PACRGL: variants seen among roughly 807,000 people sequenced by gnomAD.
PACRGL encodes the protein PACRG-like protein.
PACRGL carries 38 observed loss-of-function variants against 34.5 expected under a neutral mutation model. The ratio of observed to expected loss-of-function variants is 1.10; its 90% confidence interval spans 0.85 to 1.44. The LOEUF (loss-of-function observed/expected upper bound fraction) is 1.44. PACRGL is among the 40% of genes most tolerant of loss of function. PACRGL has a pLI of 0.00. For synonymous variants in PACRGL, 128 were observed against 100.1 expected, an observed-to-expected ratio of 1.28 and a Z score of -1.66; for missense variants, 305 against 281.4, an observed-to-expected ratio of 1.08 and a Z score of -0.60.
intron 3 of PACRGL, among the ~76,000 whole-genome samples, chr4:20,706,629 G>A (rs1330937785): frequency 6.6e-6 from 1 of 151,556 alleles, no homozygotes; most frequent in African/African-American, 2.4e-5. Flanking sequence ...AGGCTGGAGT[G>A]CAGTGGCACA....
chr4:20,761,401 C>G, the PACRGL span, among the ~76,000 whole-genome samples: 2 of 152,216 alleles, frequency 1.3e-5, no homozygotes, highest in African/African-American at 4.8e-5. Flanking sequence ...TACAGCTAAT[C>G]TCTCAAACAT....
Position 20,741,267 on chromosome 4 carries a change from G to C in PACRGL, c.*57-11298G>C, listed in dbSNP as rs140034605. ...CTCCACCCCAAATCAACAGAATATA[G>C]ATTCTTCTCAGCACTACGTCACACT... On this transcript the variant is annotated intron_variant, in intron 8 of 8. Transcript: ENST00000507634. 5.1e-3 allele frequency among the ~76,000 whole-genome samples: 773 copies of C among 152,180 alleles called. 8 individuals are homozygous for C. The highest frequency in any genetic ancestry group is 0.017 in the African/African-American group (712 of 41,524).
Position 20,730,010 on chromosome 4 carries a change from G to C in PACRGL, c.*2669G>C. 6.5e-7 allele frequency: 1 copy of C among 1,529,266 alleles called. No individual in the cohort carries two copies. The highest frequency in any genetic ancestry group is 8.8e-7 in the Non-Finnish European group (1 of 1,136,958). 94.7% of individuals were successfully genotyped at this position (1,529,266 alleles called of 1,614,324 possible). A position where few individuals can be genotyped will look rare whatever the true frequency, so the allele number is the denominator to read the frequency against. On this transcript the variant is annotated 3_prime_UTR_variant, in exon 9 of 9. Coordinates refer to ENST00000503585, the MANE Select transcript of PACRGL (RefSeq NM_001258345.3). Reference sequence around the variant, plus strand: ...TCAAGCTGAGCAATCTATGCTAAAAGTGGTAGCTCCAACTTTAAGGGTGGT... The same window carrying C: ...TCAAGCTGAGCAATCTATGCTAAAACTGGTAGCTCCAACTTTAAGGGTGGT...
At chr4:20,724,177 C>T (rs1335933685) in intron 7 of PACRGL, among the ~76,000 whole-genome samples, 1 of 152,094 alleles carries the variant, frequency 6.6e-6, no homozygotes, top group Non-Finnish European at 1.5e-5. Flanking sequence ...ACCTGAAAAT[C>T]TTGCTTAAAA....
intron 8 of PACRGL, among the ~76,000 whole-genome samples, chr4:20,742,429 A>G (rs1464967783): frequency 6.6e-6 from 1 of 152,160 alleles, no homozygotes; most frequent in Non-Finnish European, 1.5e-5. Context: ...AAATCAATAA[A>G]TGTAATCCAT....
intron 5 of PACRGL, 64 bp downstream of exon 5, chr4:20,709,837 C>A: frequency 7.5e-7 from 1 of 1,338,680 alleles, no homozygotes; most frequent in Non-Finnish European, 1.1e-6. Flanking sequence ...TTAAATGCTA[C>A]TTTGTAGCTT....
intron 7 of PACRGL, among the ~76,000 whole-genome samples, chr4:20,721,151 C>T (rs1742924064): frequency 6.6e-6 from 1 of 152,140 alleles, no homozygotes. Flanking sequence ...TCATGTAGTT[C>T]TCGTGCCATG....
Position 20,732,276 on chromosome 4 carries a change from T to C in PACRGL, c.*4935T>C, listed in dbSNP as rs1748499136. Among the ~76,000 whole-genome samples, 1 of 152,256 alleles carries C rather than the reference T, an allele frequency of 6.6e-6. No individual in the cohort carries two copies. Among genetic ancestry groups the C allele is most frequent in the Admixed American group, 6.5e-5 (1 of 15,278 alleles). On this transcript the variant is annotated 3_prime_UTR_variant, in exon 9 of 9. Coordinates refer to ENST00000503585, the MANE Select transcript of PACRGL (RefSeq NM_001258345.3). ...TGGCTTTTCCCTTTTCAATATAATG[T>C]GGTGAAGATGTAGAGTCACTCTGTC...
chr4:20,761,394 A>G, the PACRGL span, among the ~76,000 whole-genome samples: 1 of 152,222 alleles, frequency 6.6e-6, no homozygotes, highest in Non-Finnish European at 1.5e-5. Context: ...GTATGTATAC[A>G]GCTAATCTCT....
the PACRGL span, chr4:20,766,860 G>A: frequency 1.3e-5 from 2 of 152,118 alleles, no homozygotes; most frequent in African/African-American, 2.4e-5. Context: ...AGAAGGCCTG[G>A]GTTGAACCCC....
chr4:20,712,792 T>A lies in PACRGL; in HGVS notation c.371T>A (p.Leu124Gln). The stretch of plus-strand genomic sequence containing the variant: ...TTTCCTCTTGGTCTTTGTCAGGGTC[T>A]GAGAGAGACTAAGCATCCATACACT... ...DPLLITLAEG[L>Q]RETKHPYTFV... The change falls in exon 6 of 9, where the codon CTG becomes CAG. Residue 124 changes from leucine to glutamine, a missense_variant. Coordinates refer to ENST00000503585, the MANE Select transcript of PACRGL (RefSeq NM_001258345.3). The A allele has an allele frequency of 6.5e-7, 1 of 1,547,884 alleles. No homozygotes were observed. Among genetic ancestry groups the A allele is most frequent in the East Asian group, 2.3e-5 (1 of 43,258 alleles).
At chr4:20,701,226 A>G (rs1033481203) in intron 1 of PACRGL, among the ~76,000 whole-genome samples, 1 of 152,162 alleles carries the variant, frequency 6.6e-6, no homozygotes, top group Non-Finnish European at 1.5e-5. Context: ...AGGGAAAGAA[A>G]TAGGCTATAT....
chr4:20,744,761 G>T (rs768031465), intron 8 of PACRGL, among the ~76,000 whole-genome samples: 4 of 150,136 alleles, frequency 2.7e-5, no homozygotes, highest in South Asian at 2.1e-4. Context: ...AGAACTTAAA[G>T]AATAATAATA....
At chr4:20,749,669 C>T in intron 8 of PACRGL, 2 of 1,602,890 alleles carry the variant, frequency 1.2e-6, no homozygotes, top group Non-Finnish European at 1.7e-6. Flanking sequence ...TACCTCGAAA[C>T]TCACAGCTCC....
intron 7 of PACRGL, among the ~76,000 whole-genome samples, chr4:20,714,657 T>G (rs1011583778): frequency 6.6e-6 from 1 of 152,184 alleles, no homozygotes; most frequent in Admixed American, 6.5e-5. Context: ...CTTTCCATGT[T>G]TAGTGCTTCC....
intron 7 of PACRGL, among the ~76,000 whole-genome samples, chr4:20,713,891 A>G (rs1021126755): frequency 4.6e-5 from 7 of 152,054 alleles, no homozygotes; most frequent in Non-Finnish European, 8.8e-5. Flanking sequence ...GTTCTTTTAC[A>G]TTTGCTGAGG....
At position 20,700,640 on chromosome 4, in the gene PACRGL, C is replaced by G. The variant is rs1731740824; in HGVS notation, c.-164C>G. 2 of 152,146 alleles carry G rather than the reference C, an allele frequency of 1.3e-5. No individual in the cohort carries two copies. The highest frequency in any genetic ancestry group is 6.5e-5 in the Admixed American group (1 of 15,278). 9.4% of individuals were successfully genotyped at this position (152,146 alleles called of 1,614,324 possible). A position where few individuals can be genotyped will look rare whatever the true frequency, so the allele number is the denominator to read the frequency against. ...CAGGTGTCCTGTCTGCGCTCTCTGC[C>G]AAGCCGGCTTGCTTCCTGATCTGTT... On this transcript the variant is annotated 5_prime_UTR_variant, in exon 1 of 9. Coordinates refer to ENST00000503585, the MANE Select transcript of PACRGL (RefSeq NM_001258345.3).
chr4:20,730,212 TCCCATCAAC>T lies in PACRGL; in HGVS notation c.*2873_*2881del. 6.8e-7 allele frequency: 1 copy of T among 1,471,730 alleles called. No homozygotes were observed. The highest frequency in any genetic ancestry group is 9.1e-7 in the Non-Finnish European group (1 of 1,102,728). The allele number at this position is 1,471,730 out of a possible 1,614,324, so 91.2% of individuals were successfully genotyped here. A position where few individuals can be genotyped will look rare whatever the true frequency, so the allele number is the denominator to read the frequency against. On this transcript the variant is annotated 3_prime_UTR_variant, in exon 9 of 9. Transcript: ENST00000503585. The stretch of plus-strand genomic sequence containing the variant: ...TATTTTGCCCCTGAGTATTGCCTCC[TCCCATCAAC>T]CACCTCAACCACCTATGCCAAAAGC...
chr4:20,740,996 G>A (rs1041608630), intron 8 of PACRGL, among the ~76,000 whole-genome samples: 1 of 152,124 alleles, frequency 6.6e-6, no homozygotes, highest in African/African-American at 2.4e-5. Context: ...TAATGGTAAA[G>A]GGATCAATTC....
Sources: allele counts gnomAD v4.1 joint callset (sites outside exome capture counted in the v4.1 genomes callset), GRCh38; gene constraint gnomAD v4.1.1; transcripts MANE v1.5; gene names NCBI Gene and HGNC (gene_info 2026-07-23, HGNC 2026-07-21).